METTL25: variants seen among roughly 807,000 people sequenced by gnomAD.
METTL25 encodes the protein probable methyltransferase-like protein 25.
Under a neutral mutation model 71.6 loss-of-function variants are expected in METTL25, and 64 were observed. That is an observed-to-expected ratio of 0.89 (90% confidence interval 0.73 to 1.10). The LOEUF is 1.10. METTL25 is among the 50% of genes least tolerant of loss of function. The pLI is 0.00. For missense variants in METTL25, 807 were observed against 707.0 expected (o/e 1.14, Z -1.60); for synonymous variants, 287 against 250.3 (o/e 1.15, Z -1.38).
chr12:82,431,449 A>T (rs1468855170), intron 6 of METTL25, among the ~76,000 whole-genome samples: 1 of 151,662 alleles, frequency 6.6e-6, no homozygotes, highest in Non-Finnish European at 1.5e-5. Context: ...TTACAAAGAA[A>T]TGAGTTAAAT....
chr12:82,469,370 G>T (rs1260597254), intron 9 of METTL25, among the ~76,000 whole-genome samples: 1 of 152,006 alleles, frequency 6.6e-6, no homozygotes, highest in Non-Finnish European at 1.5e-5. Flanking sequence ...TAGGGCTGGG[G>T]AGTCTTCAGG....
At chr12:82,382,141 G>T (rs1024678424) in intron 1 of METTL25, among the ~76,000 whole-genome samples, 1 of 152,204 alleles carries the variant, frequency 6.6e-6, no homozygotes, top group African/African-American at 2.4e-5. Flanking sequence ...AAAATGTTCA[G>T]TTGAGTTTTG....
rs755473022 is a variant in METTL25 at position 82,399,151 on chromosome 12, T to A, written c.888T>A (p.Leu296=). Residue 296 remains leucine, a synonymous_variant, in exon 4 of 12, where the codon CTT becomes CTA. Transcript: ENST00000248306. ...ATATCAGAAACCAAATGGAAACCCTTCATTCTCAGCCACATCAAGAAGAAA... is the reference window on the plus strand; with the variant it reads ...ATATCAGAAACCAAATGGAAACCCTACATTCTCAGCCACATCAAGAAGAAA... ...ISNIRNQMET[L]HSQPHQEENL... is the part of the protein sequence containing the mutation. 1.2e-6 allele frequency: 2 copies of A among 1,613,806 alleles called. No homozygotes were observed. Among genetic ancestry groups the A allele is most frequent in the South Asian group, 2.2e-5 (2 of 91,044 alleles).
rs558240163 is a variant in METTL25, at chr12:82,422,470, CT to C, written c.1280-8420del. ...AATGGGCAAAAACTGGAAGCAGTCCCTTTGAAAACTGGCACAAGACAGGGAT... is the reference window on the plus strand; with the variant it reads ...AATGGGCAAAAACTGGAAGCAGTCCCTTGAAAACTGGCACAAGACAGGGAT... On this transcript the variant is annotated intron_variant, in intron 5 of 11. Coordinates refer to ENST00000248306, the MANE Select transcript of METTL25 (RefSeq NM_032230.3). 2.1e-4 allele frequency among the ~76,000 whole-genome samples: 32 copies of C among 152,276 alleles called. No individual in the cohort carries two copies. In the East Asian group the frequency reaches 6.2e-3, roughly 29 times the overall value.
intron 6 of METTL25, among the ~76,000 whole-genome samples, chr12:82,431,672 C>G (rs1592714017): frequency 1.3e-5 from 2 of 151,408 alleles, no homozygotes; most frequent in East Asian, 3.9e-4. Flanking sequence ...AATTGCTTAC[C>G]TATTATAATC....
In METTL25 at chr12:82,384,614, T is replaced by TAA. The variant is rs202007434; in HGVS notation, c.260-2189_260-2188insAA. On this transcript the variant is annotated intron_variant, in intron 1 of 11. Transcript: ENST00000248306. ...GACTGAATTAGAAAACTACCCTTTT[T>TAA]TAAAAAAAAATATTGTTGTAAAGAT... Among the ~76,000 whole-genome samples the TAA allele has an allele frequency of 9.7e-3, 1,463 of 151,052 alleles. 24 individuals are homozygous for TAA. Among genetic ancestry groups the TAA allele is most frequent in the African/African-American group, 0.034 (1,379 of 40,840 alleles).
chr12:82,431,407 A>G (rs953235049), intron 6 of METTL25, among the ~76,000 whole-genome samples: 1 of 151,650 alleles, frequency 6.6e-6, no homozygotes, highest in African/African-American at 2.4e-5. Context: ...ACTCTAGCCC[A>G]TAATGTTCTC....
At chr12:82,392,984 CTA>C (rs1334171246) in intron 3 of METTL25, among the ~76,000 whole-genome samples, 1 of 151,950 alleles carries the variant, frequency 6.6e-6, no homozygotes, top group Non-Finnish European at 1.5e-5. Flanking sequence ...TTTTATTGGT[CTA>C]TGTGTCTGTT....
At chr12:82,424,322 T>G in intron 5 of METTL25, among the ~76,000 whole-genome samples, 2 of 149,980 alleles carry the variant, frequency 1.3e-5, no homozygotes, top group Non-Finnish European at 1.5e-5. Flanking sequence ...CACTCATAGG[T>G]GGGAATTGAA....
At chr12:82,388,634 T>C (rs1885276550) in intron 2 of METTL25, among the ~76,000 whole-genome samples, 1 of 152,058 alleles carries the variant, frequency 6.6e-6, no homozygotes, top group Non-Finnish European at 1.5e-5. Flanking sequence ...TGTTATATCC[T>C]AGGCAAGAAC....
chr12:82,478,515 A>C (rs767366087), intron 11 of METTL25, among the ~76,000 whole-genome samples: 3 of 151,724 alleles, frequency 2.0e-5, no homozygotes, highest in African/African-American at 7.2e-5. Flanking sequence ...TATATAGTGC[A>C]TATTATTTGT....
At chr12:82,434,581 T>C in intron 6 of METTL25, 114 bp from the exon 7 acceptor site, 1 of 818,642 alleles carries the variant, frequency 1.2e-6, no homozygotes, top group Non-Finnish European at 2.1e-6. Context: ...AACTTACATA[T>C]TATCACATAA....
chr12:82,414,535 TA>T (rs1887808745), intron 5 of METTL25, among the ~76,000 whole-genome samples: 1 of 152,128 alleles, frequency 6.6e-6, no homozygotes, highest in Non-Finnish European at 1.5e-5. Context: ...TTATTCAGCA[TA>T]AAAAAGTTCT....
At chr12:82,392,064 T>G (rs897924951) in intron 3 of METTL25, among the ~76,000 whole-genome samples, 1 of 20,962 alleles carries the variant, frequency 4.8e-5, no homozygotes, top group Admixed American at 6.4e-4. Context: ...TTTTTGCCCA[T>G]TTTTATTTTT....
chr12:82,402,064 G>T (rs1355543227), intron 4 of METTL25, among the ~76,000 whole-genome samples: 3 of 151,918 alleles, frequency 2.0e-5, no homozygotes, highest in Non-Finnish European at 4.4e-5. Context: ...ACAAGATTCT[G>T]TGCATGTATA....
At chr12:82,466,970 G>A (rs548542453) in intron 9 of METTL25, among the ~76,000 whole-genome samples, 4 of 151,668 alleles carry the variant, frequency 2.6e-5, no homozygotes, top group Admixed American at 6.6e-5. Context: ...TCAAAGTCTG[G>A]AGAGCCATGG....
Position 82,423,039 on chromosome 12 carries a change from A to G in METTL25, c.1280-7854A>G, listed in dbSNP as rs537014923. ...AATGACTTTCTCCACGGAATTGGAA[A>G]AAACTAAAGTTCATATGGAACCAAA... On this transcript the variant is annotated intron_variant, in intron 5 of 11. Transcript: ENST00000248306. 2.0e-5 allele frequency among the ~76,000 whole-genome samples: 3 copies of G among 152,186 alleles called. No homozygotes were observed. In the East Asian group the frequency reaches 5.8e-4, roughly 29 times the overall value.
Position 82,386,944 on chromosome 12 carries a change from G to A in METTL25, c.401G>A (p.Arg134Gln), listed in dbSNP as rs149436881. The A allele has an allele frequency of 8.5e-4, 1,371 of 1,612,730 alleles. 2 individuals carry two copies. The highest frequency in any genetic ancestry group is 7.0e-4 in the Non-Finnish European group (831 of 1,179,268). ...TPFEQLLVALRGNQNQRIGEN... is the reference protein window; with the variant it reads ...TPFEQLLVALQGNQNQRIGEN... ...TTTGAACAGTTGCTTGTAGCCCTTCGAGGAAATCAAAACCAGAGAATTGGT... is the reference window on the plus strand; with the variant it reads ...TTTGAACAGTTGCTTGTAGCCCTTCAAGGAAATCAAAACCAGAGAATTGGT... The change falls in exon 2 of 12, where the codon CGA becomes CAA. Residue 134 changes from arginine (R) to glutamine (Q), a missense_variant. By Grantham distance (43) the Arg-to-Gln change is conservative (BLOSUM62 1). Coordinates refer to ENST00000248306, the MANE Select transcript of METTL25 (RefSeq NM_032230.3).
chr12:82,430,859 A>T, intron 5 of METTL25, 34 bp from the exon 6 acceptor site: 1 of 1,113,868 alleles, frequency 9.0e-7, no homozygotes, highest in Non-Finnish European at 1.3e-6. Context: ...AAAGAATTTT[A>T]TTTAAATAAT....
Sources: allele counts gnomAD v4.1 joint callset (sites outside exome capture counted in the v4.1 genomes callset), GRCh38; gene constraint gnomAD v4.1.1; transcripts MANE v1.5; gene names NCBI Gene and HGNC (gene_info 2026-07-23, HGNC 2026-07-21).